The following NECAB2 variants were observed in gnomAD, a reference collection of about 807,000 sequenced individuals.
The protein encoded by NECAB2 is N-terminal EF-hand calcium-binding protein 2.
A neutral mutation model predicts 51.9 loss-of-function variants in NECAB2; 68 were observed. The observed-to-expected ratio is 1.31, with a 90% CI of 1.08 to 1.60. The LOEUF (loss-of-function observed/expected upper bound fraction) is 1.60. Among genes scored for constraint, NECAB2 ranks in the 40% most tolerant of loss-of-function variants. NECAB2 has a pLI of 0.00. For missense variants in NECAB2, 854 were observed against 490.3 expected, an observed-to-expected ratio of 1.74 and a Z score of -7.00; for synonymous variants, 329 against 203.5, an observed-to-expected ratio of 1.62 and a Z score of -5.25.
chr16:83,990,439 C>G (rs562035892), intron 5 of NECAB2, 55 bp from the exon 6 acceptor site: 78 of 1,599,106 alleles, frequency 4.9e-5, no homozygotes, highest in Non-Finnish European at 6.5e-5. Flanking sequence ...TAGACCCCAC[C>G]TCCAATTTCC....
intron 10 of NECAB2, among the ~76,000 whole-genome samples, chr16:84,000,261 G>A (rs8049272): frequency 0.17 from 25,470 of 152,038 alleles, 3,873 homozygotes; most frequent in African/African-American, 0.41. Context: ...TGGGCACAGT[G>A]GCTGAAGTTT....
intron 5 of NECAB2, among the ~76,000 whole-genome samples, chr16:83,988,658 C>T (rs1168928322): frequency 6.6e-6 from 1 of 152,156 alleles, no homozygotes; most frequent in East Asian, 1.9e-4. Context: ...AACTCTTAAG[C>T]ATTGTTTGCA....
chr16:83,984,778 C>G (rs905412382), intron 5 of NECAB2, among the ~76,000 whole-genome samples: 1 of 152,168 alleles, frequency 6.6e-6, no homozygotes, highest in Non-Finnish European at 1.5e-5. Flanking sequence ...TCTTAAGTTT[C>G]TCCCATTTTT....
At chr16:83,997,467 G>A (rs1168715448) in intron 9 of NECAB2, among the ~76,000 whole-genome samples, 198 bp downstream of exon 9, 1 of 145,910 alleles carries the variant, frequency 6.9e-6, no homozygotes, top group Non-Finnish European at 1.5e-5. Flanking sequence ...TATTTCTTGA[G>A]GCTCCCTGGA....
intron 10 of NECAB2, among the ~76,000 whole-genome samples, chr16:83,999,933 T>G (rs1249660965): frequency 6.6e-6 from 1 of 152,048 alleles, no homozygotes; most frequent in Non-Finnish European, 1.5e-5. Context: ...CAGGCAGGAG[T>G]GAGTGTGTAG....
chr16:83,978,636 C>G, intron 3 of NECAB2, 84 bp downstream of exon 3: 2 of 1,203,764 alleles, frequency 1.7e-6, no homozygotes, highest in East Asian at 2.4e-5. Context: ...CGTTCCTAGT[C>G]CCCTGTAAGG....
upstream of NECAB2, chr16:83,965,421 C>G: frequency 6.3e-7 from 1 of 1,580,924 alleles, no homozygotes; most frequent in Middle Eastern, 1.7e-4. Context: ...GCGGTGACCC[C>G]GGCCTCAGAC....
chr16:83,990,974 T>TTTTA (rs144798895), intron 6 of NECAB2, among the ~76,000 whole-genome samples: 5 of 152,058 alleles, frequency 3.3e-5, no homozygotes, highest in South Asian at 2.1e-4. Flanking sequence ...TTGGCCCACG[T>TTTTA]TTTATTTATT....
intron 5 of NECAB2, among the ~76,000 whole-genome samples, chr16:83,986,618 T>C (rs952467231): frequency 4.6e-5 from 7 of 152,032 alleles, no homozygotes; most frequent in Admixed American, 4.6e-4. Flanking sequence ...ACCCAAGTGA[T>C]CTTCCCACTT....
intron 5 of NECAB2, among the ~76,000 whole-genome samples, chr16:83,986,723 T>G (rs2084562094): frequency 6.6e-6 from 1 of 151,742 alleles, no homozygotes; most frequent in Non-Finnish European, 1.5e-5. Flanking sequence ...TTTCCCTATT[T>G]TGCTTAGACT....
chr16:83,965,314 C>G (rs1033490837), upstream of NECAB2: 2 of 1,585,094 alleles, frequency 1.3e-6, no homozygotes, highest in African/African-American at 1.3e-5. Context: ...TCGCCACAGG[C>G]ACGTTCGACA....
intron 10 of NECAB2, among the ~76,000 whole-genome samples, chr16:83,998,976 C>G (rs28563865): frequency 2.6e-5 from 4 of 152,212 alleles, no homozygotes; most frequent in African/African-American, 7.2e-5. Context: ...AGTGGTCCCC[C>G]GCCCCCCGTT....
upstream of NECAB2, chr16:83,966,413 G>GGGGATTGGGAGGAAAT (rs2084281360): frequency 1.4e-5 from 3 of 211,536 alleles, no homozygotes; most frequent in Admixed American, 1.5e-4. Flanking sequence ...AGGGAGGAAA[G>GGGGATTGGGAGGAAAT]GGGATTGTGG....
Position 84,002,656 on chromosome 16 carries a change from C to G in NECAB2, c.*310C>G, listed in dbSNP as rs1302344839. The stretch of plus-strand genomic sequence containing the variant: ...CATGGCCACGCATGACCCACACTGA[C>G]CACACCCTGCCCTCTTCGGTGACAT... On this transcript the variant is annotated 3_prime_UTR_variant, in exon 13 of 13. Transcript: ENST00000305202. The G allele has an allele frequency of 8.1e-6, 4 of 494,352 alleles. No homozygotes were observed. The highest frequency in any genetic ancestry group is 2.0e-5 in the African/African-American group (1 of 51,074). The allele number at this position is 494,352 out of a possible 1,614,324, so 30.6% of individuals were successfully genotyped here.
intron 12 of NECAB2, 139 bp downstream of exon 12, chr16:84,002,055 C>CAG (rs2084847645): frequency 2.7e-6 from 3 of 1,111,924 alleles, no homozygotes; most frequent in Non-Finnish European, 3.9e-6. Flanking sequence ...ATGCCAGGCT[C>CAG]AGAGCCAGCC....
chr16:83,999,508 G>A (rs534437746), intron 10 of NECAB2, among the ~76,000 whole-genome samples: 17 of 152,236 alleles, frequency 1.1e-4, no homozygotes, highest in African/African-American at 2.6e-4. Flanking sequence ...AAAGCTGCAC[G>A]GAGGTGTGTC....
In NECAB2 at chr16:83,978,627, G is replaced by C. The variant is rs79112583; in HGVS notation, c.335+75G>C. On this transcript the variant is annotated intron_variant, in intron 3 of 12. Transcript: ENST00000305202. Reference sequence around the variant, plus strand: ...GGAGGCATCTTTTCATCTAGTGTCCGTTCCTAGTCCCCTGTAAGGGGCAGG... The same window carrying C: ...GGAGGCATCTTTTCATCTAGTGTCCCTTCCTAGTCCCCTGTAAGGGGCAGG... 5 of 1,284,372 alleles carry C rather than the reference G, an allele frequency of 3.9e-6. No individual in the cohort carries two copies. The East Asian group carries it at 1.2e-4, about 30-fold the overall frequency. 79.6% of individuals were successfully genotyped at this position (1,284,372 alleles called of 1,614,324 possible).
rs758790163 is a variant in NECAB2 at position 83,990,542 on chromosome 16, C to G, written c.508C>G (p.Leu170Val). 1.9e-6 allele frequency: 3 copies of G among 1,614,166 alleles called. No individual in the cohort carries two copies. In the Admixed American group the frequency reaches 5.0e-5, roughly 27 times the overall value. Reference sequence around the variant, plus strand: ...GGACCAGTTTGTGACCCGCTTCCTCCTGAAGGAGACGGCCAATCAGATCCA... The same window carrying G: ...GGACCAGTTTGTGACCCGCTTCCTCGTGAAGGAGACGGCCAATCAGATCCA... ...NVDQFVTRFL[L>V]KETANQIQSL... The change falls in exon 6 of 13, where the codon CTG (leucine) becomes GTG (valine). Residue 170 changes from leucine to valine, a missense_variant. Physicochemically the swap from Leu to Val is conservative, Grantham distance 32. Transcript: ENST00000305202.
At chr16:83,971,073 G>A (rs1446185174) in intron 1 of NECAB2, among the ~76,000 whole-genome samples, 1 of 149,436 alleles carries the variant, frequency 6.7e-6, no homozygotes, top group East Asian at 1.9e-4. Flanking sequence ...CAGCCTGGGT[G>A]ACAGAGCGAG....
Sources: gnomAD v4.1 joint callset for allele counts (sites outside exome capture counted in the v4.1 genomes callset) on GRCh38, gnomAD v4.1.1 for gene constraint, MANE v1.5 for transcripts, NCBI Gene and HGNC (gene_info 2026-07-23, HGNC 2026-07-21) for gene names.